The following PARD3 variants were observed in gnomAD, a reference collection of about 807,000 sequenced individuals.
The protein encoded by PARD3 is partitioning defective 3 homolog.
A neutral mutation model predicts 155.4 loss-of-function variants in PARD3; 75 were observed. That is an observed-to-expected ratio of 0.48 (90% CI 0.40 to 0.58). The LOEUF (loss-of-function observed/expected upper bound fraction) is 0.58. Among genes scored for constraint, PARD3 ranks in the 20% least tolerant of loss-of-function variants. The pLI is 0.00. For synonymous variants in PARD3, 576 were observed against 610.5 expected (o/e 0.94, Z 0.83); for missense variants, 1,642 against 1,721.7 (o/e 0.95, Z 0.82).
At chr10:34,514,719 T>C (rs889972352) in intron 3 of PARD3, among the ~76,000 whole-genome samples, 5 of 152,306 alleles carry the variant, frequency 3.3e-5, no homozygotes, top group Middle Eastern at 3.4e-3. Flanking sequence ...ATATTTGGGG[T>C]TTAAAACACC....
intron 22 of PARD3, among the ~76,000 whole-genome samples, chr10:34,184,538 T>C (rs922579133): frequency 1.3e-5 from 2 of 152,118 alleles, no homozygotes; most frequent in African/African-American, 4.8e-5. Flanking sequence ...TTATTAGCAT[T>C]ATTCTGTTTT....
At chr10:34,451,370 G>T (rs955943249) in intron 4 of PARD3, among the ~76,000 whole-genome samples, 14 of 152,132 alleles carry the variant, frequency 9.2e-5, no homozygotes, top group Non-Finnish European at 1.6e-4. Context: ...CAAGTTAGAA[G>T]AAGTACTGGC....
At chr10:34,418,866 G>T (rs1657233) in intron 5 of PARD3, among the ~76,000 whole-genome samples, 7,692 of 152,110 alleles carry the variant, frequency 0.051, 225 homozygotes, top group African/African-American at 0.079. Flanking sequence ...CACCTCTTGG[G>T]CTCAAGCAAT....
intron 2 of PARD3, among the ~76,000 whole-genome samples, chr10:34,661,102 A>G (rs1052336789): frequency 3.3e-5 from 5 of 152,200 alleles, no homozygotes; most frequent in Non-Finnish European, 5.9e-5. Context: ...GGACTGGTGG[A>G]GATAGTTTGA....
At chr10:34,362,701 G>A (rs1156797903) in intron 12 of PARD3, among the ~76,000 whole-genome samples, 3 of 152,138 alleles carry the variant, frequency 2.0e-5, no homozygotes, top group African/African-American at 7.2e-5. Flanking sequence ...CACCATGTTG[G>A]CCAGGCTGGT....
chr10:34,213,099 A>G (rs1951832353), intron 22 of PARD3, among the ~76,000 whole-genome samples: 1 of 152,214 alleles, frequency 6.6e-6, no homozygotes, highest in East Asian at 1.9e-4. Flanking sequence ...CATGTAATTT[A>G]CAAAGAAAAG....
chr10:34,167,694 G>A lies in PARD3; in HGVS notation c.3420-36111C>T, dbSNP rs928126170. On this transcript the variant is annotated intron_variant, in intron 22 of 24. Transcript: ENST00000374788. ...TAGAAAAACGTTTTGCTTAAGGGTA[G>A]TTTTTTCTTTGATATATGCTAAGCT... Among the ~76,000 whole-genome samples, 9 of 152,292 alleles carry A rather than the reference G, an allele frequency of 5.9e-5. No homozygotes were observed. In the South Asian group the frequency reaches 1.7e-3, roughly 28 times the overall value.
chr10:34,671,562 A>T (rs1037579293), intron 2 of PARD3, among the ~76,000 whole-genome samples: 1 of 152,244 alleles, frequency 6.6e-6, no homozygotes, highest in Non-Finnish European at 1.5e-5. Flanking sequence ...AAACTGCAGA[A>T]GAAAATTAAA....
At chr10:34,197,347 C>A (rs1224113204) in intron 22 of PARD3, among the ~76,000 whole-genome samples, 1 of 152,062 alleles carries the variant, frequency 6.6e-6, no homozygotes, top group African/African-American at 2.4e-5. Context: ...GAAACCTTCC[C>A]CCGACTGGTT....
chr10:34,814,582 G>T (rs1483029380), intron 1 of PARD3, among the ~76,000 whole-genome samples: 1 of 151,988 alleles, frequency 6.6e-6, no homozygotes, highest in African/African-American at 2.4e-5. Flanking sequence ...CCCAGGGCCG[G>T]CCTATGCGCC....
chr10:34,803,466 C>A (rs779507077), intron 1 of PARD3, among the ~76,000 whole-genome samples: 4 of 152,006 alleles, frequency 2.6e-5, no homozygotes, highest in Non-Finnish European at 5.9e-5. Flanking sequence ...AGTCTTAAAA[C>A]GTAAAAGACA....
At chr10:34,514,506 G>A (rs949239345) in intron 3 of PARD3, among the ~76,000 whole-genome samples, 1 of 152,178 alleles carries the variant, frequency 6.6e-6, no homozygotes, top group Non-Finnish European at 1.5e-5. Context: ...ACTCATGTGT[G>A]ATGCATTACG....
intron 2 of PARD3, among the ~76,000 whole-genome samples, chr10:34,624,364 A>T (rs187337309): frequency 2.0e-3 from 305 of 152,022 alleles, no homozygotes; most frequent in African/African-American, 6.8e-3. Flanking sequence ...AAAACTAGGT[A>T]AAAAAAACCA....
Position 34,359,178 on chromosome 10 carries a change from A to G in PARD3, c.2036T>C (p.Ile679Thr). The G allele has an allele frequency of 6.2e-7, 1 of 1,613,822 alleles. No individual in the cohort carries two copies. Among genetic ancestry groups the G allele is most frequent in the Non-Finnish European group, 8.5e-7 (1 of 1,179,894 alleles). Residue 679 changes from isoleucine to threonine, a missense_variant, in exon 14 of 25, where the codon ATT becomes ACT. By Grantham distance (89) the Ile-to-Thr change is moderately conservative. This residue lies in a region of PARD3 where 1,529 missense variants were observed against 1,587.3 expected (regional missense o/e 0.96). Transcript: ENST00000374788. Reference sequence around the variant, plus strand: ...GCACTTGCTTATTCTCCTTGCAACAATAAGCTGGATCATTCCTCGTTTATT... The same window carrying G: ...GCACTTGCTTATTCTCCTTGCAACAGTAAGCTGGATCATTCCTCGTTTATT... The part of the protein sequence containing the change: ...EGNKRGMIQL[I>T]VARRISKCNE...
At chr10:34,195,912 A>G (rs756419694) in intron 22 of PARD3, among the ~76,000 whole-genome samples, 32 of 152,218 alleles carry the variant, frequency 2.1e-4, no homozygotes, top group Non-Finnish European at 3.7e-4. Flanking sequence ...CGTGGATAAC[A>G]GTGGTAACTC....
In PARD3 at chr10:34,192,178, C is replaced by T. The variant is rs149323987; in HGVS notation, c.3420-60595G>A. ...TGCCTCCTGGGCTCAAGTGATCCTC[C>T]CACCTTAGCCTCCTGAGTAGTTGGG... is the stretch of plus-strand genomic sequence containing the variant. On this transcript the variant is annotated intron_variant, in intron 22 of 24. Transcript: ENST00000374788. 1.6e-3 allele frequency among the ~76,000 whole-genome samples: 247 copies of T among 152,178 alleles called. 2 individuals carry two copies. Among genetic ancestry groups the T allele is most frequent in the African/African-American group, 5.7e-3 (238 of 41,528 alleles).
At chr10:34,533,245 AT>A (rs563040968) in intron 2 of PARD3, among the ~76,000 whole-genome samples, 57 of 152,254 alleles carry the variant, frequency 3.7e-4, no homozygotes, top group African/African-American at 1.3e-3. Flanking sequence ...GGACATAAAG[AT>A]GGGAACAATA....
intron 22 of PARD3, among the ~76,000 whole-genome samples, chr10:34,134,745 T>C (rs544458113): frequency 6.6e-6 from 1 of 152,240 alleles, no homozygotes; most frequent in South Asian, 2.1e-4. Context: ...GCTGCAATGG[T>C]TTTCATGATG....
chr10:34,545,443 G>A (rs1199048459), intron 2 of PARD3, among the ~76,000 whole-genome samples: 6 of 152,022 alleles, frequency 3.9e-5, no homozygotes, highest in Admixed American at 3.9e-4. Flanking sequence ...CATGGTATCA[G>A]TAAGAAATTT....
Sources: allele counts gnomAD v4.1 joint callset (sites outside exome capture counted in the v4.1 genomes callset), GRCh38; gene constraint gnomAD v4.1.1; regional missense constraint gnomAD v4.1.1; transcripts MANE v1.5; gene names NCBI Gene and HGNC (gene_info 2026-07-23, HGNC 2026-07-21).